The following MAMLD1 variants were observed in gnomAD, a reference collection of about 807,000 sequenced individuals.
MAMLD1 encodes mastermind-like domain-containing protein 1.
MAMLD1 carries 14 observed loss-of-function variants against 45.0 expected under a neutral mutation model. The observed-to-expected ratio is 0.31, with a 90% CI of 0.21 to 0.49. MAMLD1 has a LOEUF of 0.49. MAMLD1 is among the 20% of genes least tolerant of loss of function. The pLI is 0.99. For missense variants in MAMLD1, 543 were observed against 603.6 expected, an observed-to-expected ratio of 0.90 and a Z score of 1.05; for synonymous variants, 254 against 247.8, an observed-to-expected ratio of 1.02 and a Z score of -0.24.
At chrX:150,377,103 C>A (rs1484494120) in intron 1 of MAMLD1, among the ~76,000 whole-genome samples, 2 of 113,377 alleles carry the variant, frequency 1.8e-5, no homozygotes. Flanking sequence ...GGGACTGTAT[C>A]TCTCAGCTCC....
chrX:150,477,991 CCTT>C (rs2036634334), intron 5 of MAMLD1, among the ~76,000 whole-genome samples: 1 of 111,875 alleles, frequency 8.9e-6, no homozygotes, highest in Admixed American at 9.4e-5. Flanking sequence ...TCGTTTCCGT[CCTT>C]CTTCTGCACC....
At chrX:150,472,840 C>A (rs1467045244) in intron 4 of MAMLD1, among the ~76,000 whole-genome samples, 1 of 111,719 alleles carries the variant, frequency 9.0e-6, no homozygotes, top group East Asian at 2.8e-4. Context: ...CCAGGTCACA[C>A]ATGTGCCTAC....
intron 1 of MAMLD1, among the ~76,000 whole-genome samples, chrX:150,365,096 T>TCCCCCCCCCCC (rs1336948491): frequency 9.4e-6 from 1 of 106,298 alleles, no homozygotes; most frequent in Non-Finnish European, 2.0e-5. Context: ...TCTTTATAGA[T>TCCCCCCCCCCC]CCCCCCTCCC....
chrX:150,470,375 A>G lies in MAMLD1; in HGVS notation c.802A>G (p.Ser268Gly), dbSNP rs782311329. The G allele has an allele frequency of 3.3e-6, 4 of 1,210,915 alleles. No individual in the cohort carries two copies. Among genetic ancestry groups the G allele is most frequent in the Non-Finnish European group, 4.5e-6 (4 of 894,806 alleles). ...TGISYSIPST[S>G]KQIVSPSSSM... ...GATCAGCTATTCGATTCCTTCCACC[A>G]GTAAGCAGATAGTGTCACCGAGTTC... The change falls in exon 4 of 8, where the codon AGT becomes GGT. Residue 268 changes from serine (S) to glycine (G), a missense_variant. By Grantham distance (56) the Ser-to-Gly change is moderately conservative. Transcript: ENST00000370401.
chrX:150,382,543 A>C (rs2032664148), intron 1 of MAMLD1, among the ~76,000 whole-genome samples: 2 of 111,917 alleles, frequency 1.8e-5, no homozygotes, highest in Non-Finnish European at 3.8e-5. Flanking sequence ...TGAGAACTGC[A>C]TTAAACCTAC....
chrX:150,434,032 C>G (rs966155691), intron 1 of MAMLD1, among the ~76,000 whole-genome samples: 2 of 111,458 alleles, frequency 1.8e-5, no homozygotes, highest in Non-Finnish European at 3.8e-5. Flanking sequence ...CCATCTGGTC[C>G]TGGGCTTTTT....
Position 150,466,955 on chromosome X carries a change from C to T in MAMLD1, c.172-2790C>T, listed in dbSNP as rs782359515. On this transcript the variant is annotated intron_variant, in intron 3 of 7. Transcript: ENST00000370401. ...GGCTCACGTGGCAGGGATGCCAGAC[C>T]ATTGCCCCTCACAGCCCCTTCCCTC... is the stretch of plus-strand genomic sequence containing the variant. 4.5e-5 allele frequency among the ~76,000 whole-genome samples: 5 copies of T among 111,589 alleles called. No homozygotes were observed. In the East Asian group the frequency reaches 8.5e-4, roughly 19 times the overall value.
chrX:150,450,910 G>A (rs1471871619), intron 2 of MAMLD1, among the ~76,000 whole-genome samples: 3 of 112,727 alleles, frequency 2.7e-5, no homozygotes, highest in Admixed American at 9.3e-5. Flanking sequence ...GCAGCTGTTC[G>A]CTCCCTTTGC....
At chrX:150,417,599 T>G (rs1365263145) in intron 1 of MAMLD1, among the ~76,000 whole-genome samples, 3 of 108,745 alleles carry the variant, frequency 2.8e-5, no homozygotes, top group Non-Finnish European at 5.7e-5. Context: ...ACTTCCACAA[T>G]GGTTGAACTA....
chrX:150,508,881 C>T (rs2037817716), intron 6 of MAMLD1, among the ~76,000 whole-genome samples: 1 of 111,552 alleles, frequency 9.0e-6, no homozygotes, highest in Non-Finnish European at 1.9e-5. Flanking sequence ...CAGAGATGGC[C>T]GGGCTCCCCT....
chrX:150,434,278 T>G (rs1413607757), intron 1 of MAMLD1, among the ~76,000 whole-genome samples: 11 of 111,396 alleles, frequency 9.9e-5, no homozygotes, highest in African/African-American at 3.6e-4. Flanking sequence ...ATTATATTTA[T>G]TTGGATCCTC....
At chrX:150,487,142 T>A (rs1871408629) in intron 5 of MAMLD1, among the ~76,000 whole-genome samples, 3 of 111,587 alleles carry the variant, frequency 2.7e-5, no homozygotes, top group African/African-American at 9.8e-5. Flanking sequence ...CCTTCCACTT[T>A]GAGAACCTCT....
intron 5 of MAMLD1, among the ~76,000 whole-genome samples, chrX:150,494,262 T>G (rs1198798636): frequency 2.7e-5 from 3 of 111,013 alleles, no homozygotes; most frequent in Non-Finnish European, 5.7e-5. Context: ...GTCGTGGTGG[T>G]GCCTGCCTGT....
intron 1 of MAMLD1, among the ~76,000 whole-genome samples, chrX:150,410,698 T>A (rs2034103655): frequency 8.9e-6 from 1 of 112,399 alleles, no homozygotes; most frequent in Non-Finnish European, 1.9e-5. Flanking sequence ...ACAAGGCAGA[T>A]GCTATTATTA....
At chrX:150,430,161 G>T (rs2062366507) in intron 1 of MAMLD1, among the ~76,000 whole-genome samples, 1 of 105,507 alleles carries the variant, frequency 9.5e-6, no homozygotes, top group Non-Finnish European at 1.9e-5. Context: ...AATTACAGGT[G>T]CACACCACCA....
Position 150,470,684 on chromosome X carries a change from T to A in MAMLD1, c.1111T>A (p.Ser371Thr). The change falls in exon 4 of 8, where the codon TCG (serine) becomes ACG (threonine). Residue 371 changes from serine (S) to threonine (T), a missense_variant. Transcript: ENST00000370401. ...CCAGAGCCTCATGGTGTCCTGCATG[T>A]CGTCCAATACCTTGTCGGGTAGCAC... The part of the protein sequence containing the change: ...SPQSLMVSCM[S>T]SNTLSGSTLR... The A allele has an allele frequency of 1.7e-6, 2 of 1,211,903 alleles. No homozygotes were observed. The highest frequency in any genetic ancestry group is 2.3e-4 in the Middle Eastern group (1 of 4,354).
intron 5 of MAMLD1, among the ~76,000 whole-genome samples, chrX:150,495,952 A>T (rs781981417): frequency 8.9e-5 from 10 of 112,375 alleles, no homozygotes; most frequent in Non-Finnish European, 1.7e-4. Flanking sequence ...TGATGCTGTT[A>T]TCTCCTCTCC....
At chrX:150,491,399 G>T (rs1247996555) in intron 5 of MAMLD1, among the ~76,000 whole-genome samples, 1 of 112,206 alleles carries the variant, frequency 8.9e-6, no homozygotes, top group African/African-American at 3.2e-5. Context: ...CTACTGCCAA[G>T]CACAGTGGAT....
At position 150,512,124 on chromosome X, in the gene MAMLD1, C is replaced by T. The variant is rs1557409151; in HGVS notation, c.*165C>T. 1 of 1,154,179 alleles carries T rather than the reference C, an allele frequency of 8.7e-7. No homozygotes were observed. The highest frequency in any genetic ancestry group is 1.9e-5 in the South Asian group (1 of 52,309). ...AACAATCTGAGTCCAGGAATGATCC[C>T]ACTCACCAGGCACCAGAGCTGCGAG... is the stretch of plus-strand genomic sequence containing the variant. On this transcript the variant is annotated 3_prime_UTR_variant, in exon 8 of 8. Transcript: ENST00000370401.
Sources: gnomAD v4.1 joint callset for allele counts (sites outside exome capture counted in the v4.1 genomes callset) on GRCh38, gnomAD v4.1.1 for gene constraint, MANE v1.5 for transcripts, NCBI Gene and HGNC (gene_info 2026-07-23, HGNC 2026-07-21) for gene names.